Variants in PTPRQ observed in about 807,000 individuals in gnomAD.
PTPRQ encodes protein tyrosine phosphatase receptor type Q.
A neutral mutation model predicts 246.0 loss-of-function variants in PTPRQ; 199 were observed. The observed-to-expected ratio is 0.81, with a 90% CI of 0.72 to 0.91. The LOEUF is 0.91. Ranked by LOEUF, PTPRQ falls within the 40% of genes least tolerant of loss-of-function variation. The pLI, the probability that PTPRQ is intolerant of heterozygous loss-of-function variation, is 0.00. For missense variants in PTPRQ, 2,624 were observed against 2,528.4 expected (o/e 1.04, Z -0.81); for synonymous variants, 869 against 853.2 (o/e 1.02, Z -0.32).
intron 35 of PTPRQ, among the ~76,000 whole-genome samples, chr12:80,645,924 C>T (rs1049491742): frequency 6.6e-6 from 1 of 151,968 alleles, no homozygotes; most frequent in Non-Finnish European, 1.5e-5. Context: ...TATATGAAAA[C>T]TGAATTATTA....
intron 39 of PTPRQ, among the ~76,000 whole-genome samples, chr12:80,663,271 G>T (rs1185723666): frequency 1.3e-5 from 2 of 151,836 alleles, no homozygotes; most frequent in African/African-American, 2.4e-5. Flanking sequence ...TTATATATGT[G>T]TATGTATATA....
chr12:80,483,846 G>A (rs1367445656), intron 8 of PTPRQ, among the ~76,000 whole-genome samples: 2 of 151,526 alleles, frequency 1.3e-5, no homozygotes, highest in African/African-American at 4.9e-5. Context: ...TTGGTTTTTT[G>A]TCCTTGTGAT....
At chr12:80,448,676 C>A (rs982948988) in intron 3 of PTPRQ, among the ~76,000 whole-genome samples, 1 of 149,602 alleles carries the variant, frequency 6.7e-6, no homozygotes, top group Non-Finnish European at 1.5e-5. Flanking sequence ...TTTCCAATTT[C>A]ATCTATGTCC....
intron 17 of PTPRQ, among the ~76,000 whole-genome samples, chr12:80,523,877 A>G (rs1700650442): frequency 6.6e-6 from 1 of 152,188 alleles, no homozygotes; most frequent in Non-Finnish European, 1.5e-5. Flanking sequence ...GATGTCTATT[A>G]GGTCTGCTTG....
At chr12:80,610,821 T>G (rs897561925) in intron 28 of PTPRQ, among the ~76,000 whole-genome samples, 196 bp downstream of exon 28, 4 of 150,450 alleles carry the variant, frequency 2.7e-5, no homozygotes, top group African/African-American at 4.8e-5. Flanking sequence ...AGGAGTTATG[T>G]AGAATATTCA....
chr12:80,604,955 ATTAAT>A lies in PTPRQ; in HGVS notation c.4610-100_4610-96del, dbSNP rs1447675540. ...AAATATAAATTAATGTAAAATTAAA[ATTAAT>A]TTATTATGACTATCCATTTTTCATG... is the stretch of plus-strand genomic sequence containing the variant. On this transcript the variant is annotated intron_variant, in intron 26 of 44. Transcript: ENST00000644991. 6.1e-6 allele frequency: 7 copies of A among 1,150,654 alleles called. No homozygotes were observed. In the East Asian group the frequency reaches 1.8e-4, roughly 30 times the overall value. 71.3% of individuals were successfully genotyped at this position (1,150,654 alleles called of 1,614,324 possible). A position where few individuals can be genotyped will look rare whatever the true frequency, so the allele number is the denominator to read the frequency against.
At chr12:80,571,823 C>T (rs575903755) in intron 25 of PTPRQ, among the ~76,000 whole-genome samples, 4 of 152,022 alleles carry the variant, frequency 2.6e-5, no homozygotes, top group East Asian at 1.9e-4. Context: ...AGGTCAATCA[C>T]TTGACCCTAT....
chr12:80,625,291 C>T (rs1345810440), intron 33 of PTPRQ, among the ~76,000 whole-genome samples: 2 of 152,074 alleles, frequency 1.3e-5, no homozygotes, highest in Non-Finnish European at 2.9e-5. Flanking sequence ...GGGACTCAAA[C>T]ATTCCTGGTA....
At chr12:80,605,326 G>C in intron 27 of PTPRQ, 146 bp downstream of exon 27, 1 of 1,063,290 alleles carries the variant, frequency 9.4e-7, no homozygotes. Flanking sequence ...GTCTACATCT[G>C]TAAAGATTAA....
At chr12:80,552,706 A>G (rs924934022) in intron 25 of PTPRQ, among the ~76,000 whole-genome samples, 6 of 123,114 alleles carry the variant, frequency 4.9e-5, no homozygotes, top group Non-Finnish European at 8.1e-5. Context: ...TGGAAATTTG[A>G]ATTCCGTCTT....
Position 80,534,084 on chromosome 12 carries a change from T to C in PTPRQ, c.2748T>C (p.Asn916=), listed in dbSNP as rs1187570110. ...TGGAGTTATCAGATTTGGATTATAA[T>C]GTTGAATACAGTGCTTATGTAACAG... is the stretch of plus-strand genomic sequence containing the variant. ...TSLELSDLDY[N]VEYSAYVTAS... The change falls in exon 18 of 45, where the codon AAT becomes AAC. Residue 916 remains asparagine (N), a synonymous_variant. Transcript: ENST00000644991. 10 of 1,538,146 alleles carry C rather than the reference T, an allele frequency of 6.5e-6. No homozygotes were observed. In the East Asian group the frequency reaches 2.0e-4, roughly 31 times the overall value.
intron 43 of PTPRQ, among the ~76,000 whole-genome samples, chr12:80,675,785 G>T (rs1379181090): frequency 2.0e-5 from 3 of 152,152 alleles, no homozygotes; most frequent in Non-Finnish European, 4.4e-5. Flanking sequence ...GGGGATTTAG[G>T]GGTGGGGCAG....
At chr12:80,662,863 A>G (rs1477805189) in intron 39 of PTPRQ, among the ~76,000 whole-genome samples, 1 of 152,082 alleles carries the variant, frequency 6.6e-6, no homozygotes, top group Non-Finnish European at 1.5e-5. Context: ...CCAGGCAAGA[A>G]GTTTCCTCTC....
chr12:80,646,758 A>C (rs1208068427), intron 35 of PTPRQ, among the ~76,000 whole-genome samples: 1 of 152,298 alleles, frequency 6.6e-6, no homozygotes, highest in African/African-American at 2.4e-5. Context: ...TCTGCGAAAA[A>C]AAAAATCTTT....
intron 19 of PTPRQ, among the ~76,000 whole-genome samples, chr12:80,535,996 A>G (rs1895976896): frequency 6.6e-6 from 1 of 152,192 alleles, no homozygotes; most frequent in Non-Finnish European, 1.5e-5. Context: ...AGTCCCAGCT[A>G]CTGGGGAGGC....
intron 6 of PTPRQ, among the ~76,000 whole-genome samples, chr12:80,467,010 A>G (rs1309093148): frequency 2.6e-5 from 4 of 152,216 alleles, no homozygotes; most frequent in Non-Finnish European, 5.9e-5. Context: ...GACAAATGGG[A>G]TCTAATTAAA....
intron 23 of PTPRQ, among the ~76,000 whole-genome samples, chr12:80,543,462 A>T (rs1896214859): frequency 6.6e-6 from 1 of 152,062 alleles, no homozygotes; most frequent in Non-Finnish European, 1.5e-5. Flanking sequence ...TCTCAAATAT[A>T]TGTCTGTGAT....
intron 3 of PTPRQ, among the ~76,000 whole-genome samples, chr12:80,455,820 C>T (rs1026680208): frequency 1.3e-5 from 2 of 151,890 alleles, no homozygotes; most frequent in Non-Finnish European, 2.9e-5. Flanking sequence ...AGACTGGTCT[C>T]GAACTCCTGA....
chr12:80,535,063 C>G (rs2120809770), intron 19 of PTPRQ, 26 bp downstream of exon 19: 2 of 1,475,310 alleles, frequency 1.4e-6, no homozygotes, highest in Non-Finnish European at 1.8e-6. Flanking sequence ...TCTTCTAGTT[C>G]TTTATTAACA....
Sources: allele counts gnomAD v4.1 joint callset (sites outside exome capture counted in the v4.1 genomes callset), GRCh38; gene constraint gnomAD v4.1.1; transcripts MANE v1.5; gene names NCBI Gene and HGNC (gene_info 2026-07-23, HGNC 2026-07-21).